Variants in XRCC2 observed in about 807,000 individuals in gnomAD.
XRCC2 encodes the protein DNA repair protein XRCC2.
XRCC2 carries 24 observed loss-of-function variants against 27.3 expected under a neutral mutation model. The ratio of observed to expected loss-of-function variants is 0.88; its 90% CI spans 0.64 to 1.24. The LOEUF (loss-of-function observed/expected upper bound fraction) is 1.24. XRCC2 is among the 50% of genes most tolerant of loss of function. The pLI, the probability that XRCC2 is intolerant of heterozygous loss-of-function variation, is 0.00. For missense variants in XRCC2, 321 were observed against 325.8 expected (o/e 0.99, Z 0.11); for synonymous variants, 106 against 115.4 (o/e 0.92, Z 0.52).
At chr7:152,663,596 C>T (rs1486465115) in intron 1 of XRCC2, among the ~76,000 whole-genome samples, 3 of 152,000 alleles carry the variant, frequency 2.0e-5, no homozygotes, top group South Asian at 2.1e-4. Context: ...CCTAGTCCCT[C>T]GGGAGGACAA....
rs773452738 is a variant in XRCC2, at chr7:152,647,059, C to G, written c.*1583G>C. 2 of 152,212 alleles carry G rather than the reference C, an allele frequency of 1.3e-5. No individual in the cohort carries two copies. The highest frequency in any genetic ancestry group is 2.9e-5 in the Non-Finnish European group (2 of 68,042). The allele number at this position is 152,212 out of a possible 1,614,324, so 9.4% of individuals were successfully genotyped here. ...GCATATCTTTTTCTCCACAACCTCA[C>G]CAGCATCTGTTATTTTCTGACATTT... is the stretch of plus-strand genomic sequence containing the variant. On this transcript the variant is annotated 3_prime_UTR_variant, in exon 3 of 3. Coordinates refer to ENST00000359321, the MANE Select transcript of XRCC2 (RefSeq NM_005431.2).
chr7:152,657,248 AG>A (rs1175033900), intron 2 of XRCC2, among the ~76,000 whole-genome samples: 7 of 150,210 alleles, frequency 4.7e-5, no homozygotes, highest in Admixed American at 1.3e-4. Flanking sequence ...AAAAAAAAAA[AG>A]ATAGTATAAA....
Position 152,648,986 on chromosome 7 carries a change from T to A in XRCC2, c.499A>T (p.Asn167Tyr). 1 of 1,614,228 alleles carries A rather than the reference T, an allele frequency of 6.2e-7. No homozygotes were observed. Among genetic ancestry groups the A allele is most frequent in the Non-Finnish European group, 8.5e-7 (1 of 1,180,048 alleles). Reference sequence around the variant, plus strand: ...TTCCTCAGAGTAGACTCCTGTAAGTTCACACTTTCTCCTCCATTGACGCGG... The same window carrying A: ...TTCCTCAGAGTAGACTCCTGTAAGTACACACTTTCTCCTCCATTGACGCGG... ...IDRVNGGESV[N>Y]LQESTLRKCS... The change falls in exon 3 of 3, where the codon AAC (asparagine) becomes TAC (tyrosine). Residue 167 changes from asparagine (N) to tyrosine (Y), a missense_variant. Coordinates refer to ENST00000359321, the MANE Select transcript of XRCC2 (RefSeq NM_005431.2).
chr7:152,676,058 C>G lies in XRCC2; in HGVS notation c.22G>C (p.Ala8Pro). 1 of 1,613,840 alleles carries G rather than the reference C, an allele frequency of 6.2e-7. No individual in the cohort carries two copies. Among genetic ancestry groups the G allele is most frequent in the Admixed American group, 1.7e-5 (1 of 60,030 alleles). MCSAFHRAESGTELLARL... is the reference protein window; with the variant it reads MCSAFHRPESGTELLARL... ...GCTCTCACCTCGGTCCCAGACTCAG[C>G]CCTATGGAAGGCACTACACATCGCC... Residue 8 changes from alanine to proline, a missense_variant, in exon 1 of 3, where the codon GCT (alanine) becomes CCT (proline). Ala to Pro is a conservative substitution (Grantham distance 27, BLOSUM62 -1). Coordinates refer to ENST00000359321, the MANE Select transcript of XRCC2 (RefSeq NM_005431.2).
At chr7:152,652,164 AAAAAG>A (rs1042093268) in intron 2 of XRCC2, among the ~76,000 whole-genome samples, 1 of 122,948 alleles carries the variant, frequency 8.1e-6, no homozygotes, top group African/African-American at 2.7e-5. Context: ...CCCTGTCTCT[AAAAAG>A]AAAAGAAAAG....
At position 152,646,174 on chromosome 7, in the gene XRCC2, T is replaced by A. The variant is rs1048558423; in HGVS notation, c.*2468A>T. 1.3e-5 allele frequency: 2 copies of A among 152,244 alleles called. No individual in the cohort carries two copies. The highest frequency in any genetic ancestry group is 1.3e-4 in the Admixed American group (2 of 15,274). The allele number at this position is 152,244 out of a possible 1,614,324, so 9.4% of individuals were successfully genotyped here. A position where few individuals can be genotyped will look rare whatever the true frequency, so the allele number is the denominator to read the frequency against. On this transcript the variant is annotated 3_prime_UTR_variant, in exon 3 of 3. Coordinates refer to ENST00000359321, the MANE Select transcript of XRCC2 (RefSeq NM_005431.2). ...AAGAAATCAAAAGGTGCAGACCCTT[T>A]ATCAATGTCTAATGTTGATACTTTT...
intron 1 of XRCC2, among the ~76,000 whole-genome samples, chr7:152,670,055 T>C (rs1372651154): frequency 6.6e-6 from 1 of 152,150 alleles, no homozygotes; most frequent in Non-Finnish European, 1.5e-5. Flanking sequence ...TGACTTTTAA[T>C]TTTGAGTGAC....
At chr7:152,651,620 G>A (rs2098028573) in intron 2 of XRCC2, among the ~76,000 whole-genome samples, 1 of 151,868 alleles carries the variant, frequency 6.6e-6, no homozygotes, top group African/African-American at 2.4e-5. Flanking sequence ...TTTAAAAAAT[G>A]ATTCCACCTC....
chr7:152,655,033 CAT>C (rs2098030141), intron 2 of XRCC2, among the ~76,000 whole-genome samples: 1 of 152,152 alleles, frequency 6.6e-6, no homozygotes, highest in South Asian at 2.1e-4. Context: ...GTCACCGTCT[CAT>C]ATGTTTCTGT....
intron 1 of XRCC2, 54 bp from the exon 2 acceptor site, chr7:152,660,836 A>C: frequency 6.9e-7 from 1 of 1,445,484 alleles, no homozygotes; most frequent in Non-Finnish European, 9.5e-7. Context: ...AAAATCCTAG[A>C]CATCTATATT....
intron 1 of XRCC2, among the ~76,000 whole-genome samples, chr7:152,674,733 A>ATATATAATATATATTTAAAAATATAT (rs1563035338): frequency 3.8e-5 from 3 of 79,820 alleles, no homozygotes; most frequent in East Asian, 4.8e-4. Context: ...AATATATATT[A>ATATATAATATATATTTAAAAATATAT]TATATAAATA....
intron 2 of XRCC2, among the ~76,000 whole-genome samples, chr7:152,659,124 C>G (rs535078036): frequency 1.3e-5 from 2 of 152,046 alleles, no homozygotes; most frequent in Non-Finnish European, 1.5e-5. Context: ...CACATCCTTG[C>G]TAACACTTGC....
chr7:152,664,998 C>A (rs1394574165), intron 1 of XRCC2, among the ~76,000 whole-genome samples: 1 of 152,078 alleles, frequency 6.6e-6, no homozygotes, highest in African/African-American at 2.4e-5. Flanking sequence ...AATTGCCCTA[C>A]ACGAGCATGC....
intron 2 of XRCC2, among the ~76,000 whole-genome samples, chr7:152,650,740 G>C (rs1402550671): frequency 1.3e-5 from 2 of 151,876 alleles, no homozygotes; most frequent in Non-Finnish European, 2.9e-5. Context: ...CAAAAAATTA[G>C]CTGGGCATGG....
chr7:152,652,746 G>C (rs1403544164), intron 2 of XRCC2, among the ~76,000 whole-genome samples: 2 of 152,160 alleles, frequency 1.3e-5, no homozygotes, highest in Non-Finnish European at 2.9e-5. Context: ...CCTCTTGAGA[G>C]ACATCTAAAG....
chr7:152,661,666 A>G (rs1378826362), intron 1 of XRCC2, among the ~76,000 whole-genome samples: 1 of 152,186 alleles, frequency 6.6e-6, no homozygotes, highest in East Asian at 1.9e-4. Flanking sequence ...TAACAGCACC[A>G]AACAGGCAGG....
rs963904253 is a variant in XRCC2 at position 152,647,384 on chromosome 7, TG to T, written c.*1257del. 6.6e-6 allele frequency: 1 copy of T among 152,224 alleles called. No individual in the cohort carries two copies. The highest frequency in any genetic ancestry group is 1.5e-5 in the Non-Finnish European group (1 of 68,046). 9.4% of individuals were successfully genotyped at this position (152,224 alleles called of 1,614,324 possible). ...ACTCTCTTGATAGTTTCTTTTGCTG[TG>T]CAGCTCTTTAGTTTAATTAGATCCC... On this transcript the variant is annotated 3_prime_UTR_variant, in exon 3 of 3. Transcript: ENST00000359321.
At chr7:152,667,206 G>A (rs1437073462) in intron 1 of XRCC2, among the ~76,000 whole-genome samples, 4 of 151,208 alleles carry the variant, frequency 2.6e-5, no homozygotes, top group African/African-American at 7.3e-5. Flanking sequence ...TTGGGAGTTC[G>A]AGACCAGCCT....
chr7:152,650,391 CCTT>C (rs1446990727), intron 2 of XRCC2, among the ~76,000 whole-genome samples: 6 of 152,230 alleles, frequency 3.9e-5, no homozygotes, highest in Non-Finnish European at 7.3e-5. Context: ...CTCCAACTCT[CCTT>C]CTATCTAGGC....
Sources: allele counts gnomAD v4.1 joint callset (sites outside exome capture counted in the v4.1 genomes callset), GRCh38; gene constraint gnomAD v4.1.1; transcripts MANE v1.5; gene names NCBI Gene and HGNC (gene_info 2026-07-23, HGNC 2026-07-21).